SCFD2: variants seen among roughly 807,000 people sequenced by gnomAD.
SCFD2 encodes sec1 family domain containing 2.
In SCFD2, 54 loss-of-function variants were observed where a neutral mutation model predicts 58.9. That is an observed-to-expected ratio of 0.92 (90% CI 0.74 to 1.15). The LOEUF (loss-of-function observed/expected upper bound fraction) is 1.15. SCFD2 is among the 50% of genes most tolerant of loss of function. The pLI is 0.00. For missense variants in SCFD2, 805 were observed against 836.6 expected, an observed-to-expected ratio of 0.96 and a Z score of 0.47; for synonymous variants, 321 against 335.9, an observed-to-expected ratio of 0.96 and a Z score of 0.49.
intron 4 of SCFD2, among the ~76,000 whole-genome samples, chr4:53,269,061 T>A (rs1179576906): frequency 6.6e-6 from 1 of 152,198 alleles, no homozygotes; most frequent in Non-Finnish European, 1.5e-5. Context: ...GGCTCATGCC[T>A]GTAATCCCAA....
rs140479017 is a variant in SCFD2 at position 52,911,568 on chromosome 4, T to C, written c.1708-3977A>G. Among the ~76,000 whole-genome samples, 258 of 152,318 alleles carry C rather than the reference T, an allele frequency of 1.7e-3. 3 individuals carry two copies. Among genetic ancestry groups the C allele is most frequent in the Non-Finnish European group, 3.3e-3 (223 of 68,028 alleles). ...TTATATAGCAGGAGAAAAGAAACTA[T>C]GATTTAAAATACAGAAAAGTAACAG... On this transcript the variant is annotated intron_variant, in intron 6 of 8. Transcript: ENST00000401642.
chr4:53,145,672 G>T, intron 4 of SCFD2, 90 bp from the exon 5 acceptor site: 2 of 1,173,990 alleles, frequency 1.7e-6, no homozygotes, highest in Non-Finnish European at 2.4e-6. Context: ...TTTCAAACAA[G>T]TCTGTATATG....
At chr4:53,066,457 T>C (rs571237925) in intron 5 of SCFD2, among the ~76,000 whole-genome samples, 3 of 152,234 alleles carry the variant, frequency 2.0e-5, no homozygotes, top group South Asian at 2.1e-4. Context: ...GATTGTTTTA[T>C]GGTATGTGTT....
At chr4:53,251,317 G>A (rs1393350444) in intron 4 of SCFD2, among the ~76,000 whole-genome samples, 3 of 152,010 alleles carry the variant, frequency 2.0e-5, no homozygotes, top group Non-Finnish European at 2.9e-5. Context: ...AGGAGGAACT[G>A]GTACCATTCC....
intron 8 of SCFD2, among the ~76,000 whole-genome samples, chr4:52,884,209 C>T (rs1211080516): frequency 6.6e-6 from 1 of 152,124 alleles, no homozygotes; most frequent in Non-Finnish European, 1.5e-5. Context: ...AGCTGCATTG[C>T]CCAGTATAGA....
At chr4:53,040,596 T>A (rs1326639442) in intron 5 of SCFD2, among the ~76,000 whole-genome samples, 6 of 152,122 alleles carry the variant, frequency 3.9e-5, no homozygotes, top group African/African-American at 1.2e-4. Flanking sequence ...TTTGCTCTAT[T>A]TGTCTAAAAA....
At chr4:53,341,563 C>A (rs1248947613) in intron 2 of SCFD2, among the ~76,000 whole-genome samples, 1 of 152,126 alleles carries the variant, frequency 6.6e-6, no homozygotes, top group African/African-American at 2.4e-5. Flanking sequence ...ACTTCCCCAA[C>A]CTAGCAAGGC....
intron 5 of SCFD2, among the ~76,000 whole-genome samples, chr4:53,134,258 T>C (rs1309033604): frequency 6.6e-6 from 1 of 152,190 alleles, no homozygotes; most frequent in Non-Finnish European, 1.5e-5. Flanking sequence ...TTATTCTACT[T>C]ATTCTGCTGT....
rs1165343350 is a variant in SCFD2, at chr4:53,232,229, GA to G, written c.1311+41596del. 4.6e-5 allele frequency among the ~76,000 whole-genome samples: 7 copies of G among 152,074 alleles called. No homozygotes were observed. The East Asian group carries it at 1.2e-3, about 25-fold the overall frequency. Reference sequence around the variant, plus strand: ...AAACAAAACAGTTCACTTACAAAAAGAAAAAAGGCTGCACCATCCCTATGTG... The same window carrying G: ...AAACAAAACAGTTCACTTACAAAAAGAAAAAGGCTGCACCATCCCTATGTG... On this transcript the variant is annotated intron_variant, in intron 4 of 8. Coordinates refer to ENST00000401642, the MANE Select transcript of SCFD2 (RefSeq NM_152540.4).
At chr4:53,347,550 C>T (rs561477944) in intron 2 of SCFD2, among the ~76,000 whole-genome samples, 388 of 152,034 alleles carry the variant, frequency 2.6e-3, no homozygotes, top group Non-Finnish European at 4.4e-3. Flanking sequence ...GGGAAGGGGA[C>T]ATGAAGTGCT....
At chr4:53,319,725 T>C (rs1333287454) in intron 2 of SCFD2, among the ~76,000 whole-genome samples, 1 of 152,080 alleles carries the variant, frequency 6.6e-6, no homozygotes, top group Non-Finnish European at 1.5e-5. Flanking sequence ...AGAGACGGGG[T>C]TTCACCATGT....
At chr4:53,012,751 T>C (rs1722124301) in intron 5 of SCFD2, among the ~76,000 whole-genome samples, 2 of 151,996 alleles carry the variant, frequency 1.3e-5, no homozygotes, top group Non-Finnish European at 2.9e-5. Flanking sequence ...ATGGAGTTAA[T>C]TGACATCTTA....
chr4:53,026,658 G>A (rs951645213), intron 5 of SCFD2, among the ~76,000 whole-genome samples: 21 of 152,158 alleles, frequency 1.4e-4, no homozygotes, highest in African/African-American at 3.9e-4. Flanking sequence ...ATCATGTAGC[G>A]TTTTAGGCAA....
intron 5 of SCFD2, among the ~76,000 whole-genome samples, chr4:53,067,015 G>C (rs146941341): frequency 0.011 from 1,737 of 152,126 alleles, 18 homozygotes; most frequent in Middle Eastern, 0.034. Flanking sequence ...TGTTTATGGA[G>C]AGATGAAAGG....
intron 5 of SCFD2, among the ~76,000 whole-genome samples, chr4:53,099,065 A>C (rs1560334891): frequency 6.6e-6 from 1 of 152,220 alleles, no homozygotes; most frequent in Non-Finnish European, 1.5e-5. Flanking sequence ...TCAAACACCC[A>C]GAACAGTGTC....
intron 4 of SCFD2, among the ~76,000 whole-genome samples, chr4:53,160,125 G>A (rs1726809527): frequency 6.6e-6 from 1 of 152,200 alleles, no homozygotes; most frequent in African/African-American, 2.4e-5. Context: ...CTTTAGCAAT[G>A]GAAACAGAAG....
At chr4:53,144,403 A>T (rs548491633) in intron 5 of SCFD2, among the ~76,000 whole-genome samples, 1 of 149,846 alleles carries the variant, frequency 6.7e-6, no homozygotes, top group African/African-American at 2.4e-5. Context: ...ATACATATAC[A>T]TGTATATATA....
intron 5 of SCFD2, among the ~76,000 whole-genome samples, chr4:53,125,035 T>A (rs905868901): frequency 5.3e-5 from 8 of 152,198 alleles, no homozygotes; most frequent in African/African-American, 1.7e-4. Flanking sequence ...CACATGTGGA[T>A]AAATTTCAAC....
intron 2 of SCFD2, among the ~76,000 whole-genome samples, chr4:53,318,144 T>C (rs1732920135): frequency 6.6e-6 from 1 of 152,202 alleles, no homozygotes. Context: ...TCCTTATATA[T>C]GACAAGTTGA....
Sources: allele counts gnomAD v4.1 joint callset (sites outside exome capture counted in the v4.1 genomes callset), GRCh38; gene constraint gnomAD v4.1.1; transcripts MANE v1.5; gene names NCBI Gene and HGNC (gene_info 2026-07-23, HGNC 2026-07-21).